STK3: variants seen among roughly 807,000 people sequenced by gnomAD.
STK3 encodes the protein serine/threonine kinase 3.
A neutral mutation model predicts 58.0 loss-of-function variants in STK3; 41 were observed. The observed-to-expected ratio is 0.71, with a 90% CI of 0.55 to 0.92. The LOEUF is 0.92. Among genes scored for constraint, STK3 ranks in the 40% least tolerant of loss-of-function variants. The pLI, the probability that STK3 is intolerant of heterozygous loss-of-function variation, is 0.00. For synonymous variants in STK3, 170 were observed against 191.0 expected, an observed-to-expected ratio of 0.89 and a Z score of 0.91; for missense variants, 479 against 602.7, an observed-to-expected ratio of 0.79 and a Z score of 2.15.
At chr8:98,583,056 T>A (rs1814061058) in intron 7 of STK3, among the ~76,000 whole-genome samples, 2 of 152,174 alleles carry the variant, frequency 1.3e-5, no homozygotes, top group Admixed American at 1.3e-4. Flanking sequence ...TTTTGCTTTT[T>A]TGATCATGTT....
At chr8:98,705,825 C>G (rs1353269819) in intron 6 of STK3, among the ~76,000 whole-genome samples, 1 of 152,086 alleles carries the variant, frequency 6.6e-6, no homozygotes, top group East Asian at 1.9e-4. Context: ...AGTATATCAT[C>G]ACAAACCCTG....
chr8:98,812,073 G>T (rs370615097), intron 1 of STK3, among the ~76,000 whole-genome samples: 2 of 151,980 alleles, frequency 1.3e-5, no homozygotes, highest in Non-Finnish European at 2.9e-5. Context: ...ACCTACCAAA[G>T]TGGTGGGATT....
intron 6 of STK3, among the ~76,000 whole-genome samples, chr8:98,604,148 A>T (rs1032927915): frequency 3.9e-5 from 6 of 152,342 alleles, no homozygotes; most frequent in Admixed American, 1.3e-4. Flanking sequence ...AGCCTTTAGA[A>T]GCTTGAAAAA....
At chr8:98,414,400 A>T (rs573867348) in intron 3 of STK3, among the ~76,000 whole-genome samples, 1 of 152,192 alleles carries the variant, frequency 6.6e-6, no homozygotes, top group Non-Finnish European at 1.5e-5. Context: ...TTACAATTCC[A>T]ACAACTTAGC....
At chr8:98,744,594 T>C (rs1393878558) in intron 4 of STK3, among the ~76,000 whole-genome samples, 1 of 38,878 alleles carries the variant, frequency 2.6e-5, no homozygotes, top group African/African-American at 1.1e-4. Context: ...GGGTGGGGGG[T>C]GGGGGGAGGG....
chr8:98,398,660 A>G (rs968856375), downstream of STK3, among the ~76,000 whole-genome samples: 1 of 152,116 alleles, frequency 6.6e-6, no homozygotes, highest in African/African-American at 2.4e-5. Context: ...TTCCATCTGC[A>G]TGCTCCCATC....
At chr8:98,576,048 A>C (rs1471384712) in intron 8 of STK3, among the ~76,000 whole-genome samples, 2 of 152,166 alleles carry the variant, frequency 1.3e-5, no homozygotes, top group African/African-American at 2.4e-5. Context: ...GATCCAGCCA[A>C]TCAGATCTTA....
intron 6 of STK3, among the ~76,000 whole-genome samples, chr8:98,654,253 T>C (rs1222196779): frequency 3.9e-5 from 6 of 152,232 alleles, no homozygotes; most frequent in East Asian, 3.8e-4. Flanking sequence ...TCTCAATAGA[T>C]GCAGAAAAGG....
chr8:98,499,621 C>T (rs1199480051), intron 10 of STK3, among the ~76,000 whole-genome samples: 1 of 152,120 alleles, frequency 6.6e-6, no homozygotes. Context: ...TTGGAGAACA[C>T]ATATATCATC....
At chr8:98,447,931 G>A (rs1819026518) in intron 1 of STK3, among the ~76,000 whole-genome samples, 2 of 141,802 alleles carry the variant, frequency 1.4e-5, no homozygotes, top group South Asian at 4.4e-4. Flanking sequence ...TGCACATTGT[G>A]CACATGTACC....
At chr8:98,359,360 A>AAAG in the STK3 span, among the ~76,000 whole-genome samples, 1 of 149,342 alleles carries the variant, frequency 6.7e-6, no homozygotes, top group Non-Finnish European at 1.5e-5. Context: ...AAAAAAAAAA[A>AAAG]AAAAAAAAAA....
At chr8:98,807,238 T>C (rs1042057234) in intron 1 of STK3, among the ~76,000 whole-genome samples, 3 of 151,796 alleles carry the variant, frequency 2.0e-5, no homozygotes, top group Non-Finnish European at 4.4e-5. Flanking sequence ...AATCAAATAT[T>C]TGGGTTTTTG....
chr8:98,521,433 T>C (rs772069621), intron 10 of STK3, among the ~76,000 whole-genome samples: 3 of 152,108 alleles, frequency 2.0e-5, no homozygotes, highest in Non-Finnish European at 4.4e-5. Flanking sequence ...TTCTTGTTTT[T>C]CTTTTCAATT....
At chr8:98,438,003 C>T (rs1221171784) in intron 1 of STK3, 1 of 152,320 alleles carries the variant, frequency 6.6e-6, no homozygotes, top group Non-Finnish European at 1.5e-5. Flanking sequence ...GACAGAGGCC[C>T]AGAGGCAAAC....
chr8:98,451,189 T>G (rs1819183804), downstream of STK3, among the ~76,000 whole-genome samples: 1 of 151,936 alleles, frequency 6.6e-6, no homozygotes, highest in African/African-American at 2.4e-5. Flanking sequence ...TAATGACAAT[T>G]TTTTTTTGTT....
At chr8:98,598,590 A>G in intron 6 of STK3, 1 of 985,378 alleles carries the variant, frequency 1.0e-6, no homozygotes, top group Non-Finnish European at 1.2e-6. Context: ...GATCCTCTTA[A>G]GAATCTCTAG....
intron 10 of STK3, among the ~76,000 whole-genome samples, chr8:98,457,968 T>C (rs1819625027): frequency 2.6e-5 from 4 of 152,172 alleles, no homozygotes. Flanking sequence ...TGCGTAAAAT[T>C]TGTGAAAAAC....
At chr8:98,608,565 T>G (rs1398849339) in intron 6 of STK3, among the ~76,000 whole-genome samples, 1 of 152,228 alleles carries the variant, frequency 6.6e-6, no homozygotes, top group Admixed American at 6.5e-5. Flanking sequence ...TAGTTTATTT[T>G]TTCTAAGTAA....
chr8:98,415,942 C>T (rs1233421678), intron 3 of STK3, among the ~76,000 whole-genome samples: 35 of 152,242 alleles, frequency 2.3e-4, no homozygotes, highest in Non-Finnish European at 5.9e-5. Context: ...GCTGTATGCA[C>T]ACAGTCTGTT....
Sources: gnomAD v4.1 joint callset for allele counts (sites outside exome capture counted in the v4.1 genomes callset) on GRCh38, gnomAD v4.1.1 for gene constraint, MANE v1.5 for transcripts, NCBI Gene and HGNC (gene_info 2026-07-23, HGNC 2026-07-21) for gene names.